GRM5: variants seen among roughly 807,000 people sequenced by gnomAD.
GRM5 encodes glutamate metabotropic receptor 5.
A neutral mutation model predicts 83.1 loss-of-function variants in GRM5; 19 were observed. That is an observed-to-expected ratio of 0.23 (90% CI 0.16 to 0.34). The LOEUF (loss-of-function observed/expected upper bound fraction) is 0.34. Ranked by LOEUF, GRM5 falls within the 10% of genes least tolerant of loss-of-function variation. The pLI, the probability that GRM5 is intolerant of heterozygous loss-of-function variation, is 1.00. For synonymous variants in GRM5, 675 were observed against 633.6 expected (o/e 1.07, Z -0.98); for missense variants, 1,160 against 1,588.3 (o/e 0.73, Z 4.58).
At chr11:89,009,703 T>C (rs936326232) in intron 2 of GRM5, among the ~76,000 whole-genome samples, 1 of 151,558 alleles carries the variant, frequency 6.6e-6, no homozygotes, top group Admixed American at 6.6e-5. Context: ...GAGACCATCC[T>C]GGCTAACACG....
At chr11:88,842,425 C>T (rs1944220270) in intron 3 of GRM5, among the ~76,000 whole-genome samples, 2 of 152,292 alleles carry the variant, frequency 1.3e-5, no homozygotes, top group South Asian at 2.1e-4. Context: ...GGTTCATTTA[C>T]TCACCATCTA....
At chr11:88,883,127 A>T (rs1230721523) in intron 2 of GRM5, among the ~76,000 whole-genome samples, 2 of 152,214 alleles carry the variant, frequency 1.3e-5, no homozygotes, top group African/African-American at 2.4e-5. Context: ...CTAATACAGT[A>T]AACTGGTACT....
intron 7 of GRM5, among the ~76,000 whole-genome samples, chr11:88,581,987 G>T (rs928183146): frequency 2.0e-5 from 3 of 151,880 alleles, no homozygotes; most frequent in African/African-American, 4.8e-5. Flanking sequence ...TCCAAGACCT[G>T]GTTAATTTCC....
intron 2 of GRM5, among the ~76,000 whole-genome samples, chr11:88,974,673 A>C (rs757022403): frequency 6.6e-6 from 1 of 152,080 alleles, no homozygotes; most frequent in Non-Finnish European, 1.5e-5. Context: ...ACATTCTATC[A>C]TGATTTTTTG....
At chr11:88,710,546 G>A (rs187098404) in intron 3 of GRM5, among the ~76,000 whole-genome samples, 3 of 152,206 alleles carry the variant, frequency 2.0e-5, no homozygotes, top group African/African-American at 7.2e-5. Context: ...CAGAATATGT[G>A]TTAGGAAAAT....
chr11:88,711,010 A>G (rs1317336272), intron 3 of GRM5, among the ~76,000 whole-genome samples: 3 of 152,052 alleles, frequency 2.0e-5, no homozygotes. Flanking sequence ...ATTTAGGGAA[A>G]TTTGAGGAAG....
chr11:88,521,161 T>C (rs1169694960), intron 9 of GRM5, among the ~76,000 whole-genome samples: 1 of 152,136 alleles, frequency 6.6e-6, no homozygotes, highest in African/African-American at 2.4e-5. Context: ...CTCACGCCTG[T>C]AATCCCAGCT....
intron 3 of GRM5, among the ~76,000 whole-genome samples, chr11:88,826,445 T>C (rs562558013): frequency 2.2e-4 from 33 of 151,326 alleles, no homozygotes; most frequent in African/African-American, 8.0e-4. Flanking sequence ...TACAAATAAT[T>C]ATATATATAA....
intron 2 of GRM5, among the ~76,000 whole-genome samples, chr11:88,889,513 G>A (rs1945103176): frequency 6.6e-6 from 1 of 152,140 alleles, no homozygotes; most frequent in Non-Finnish European, 1.5e-5. Context: ...TCACCTGTGA[G>A]GTTACTTTTT....
chr11:88,914,208 C>T (rs1208345010), intron 2 of GRM5, among the ~76,000 whole-genome samples: 3 of 152,124 alleles, frequency 2.0e-5, no homozygotes, highest in Non-Finnish European at 4.4e-5. Context: ...TCCACACTTC[C>T]AATCACCTTC....
intron 3 of GRM5, among the ~76,000 whole-genome samples, chr11:88,663,717 A>C (rs16914488): frequency 2.6e-5 from 4 of 152,142 alleles, no homozygotes; most frequent in Non-Finnish European, 5.9e-5. Flanking sequence ...TTCCTGTTAC[A>C]TGACTGTGCT....
intron 3 of GRM5, among the ~76,000 whole-genome samples, chr11:88,692,853 G>A (rs1203734984): frequency 6.6e-6 from 1 of 152,074 alleles, no homozygotes; most frequent in Non-Finnish European, 1.5e-5. Context: ...CCTCCATCCT[G>A]GAGGCCTGCA....
Position 88,612,841 on chromosome 11 carries a change from C to T in GRM5, c.1148-7877G>A, listed in dbSNP as rs551564518. Reference sequence around the variant, plus strand: ...ACGCTTCACAAATTTGCGTGTCATCCTTGCGCAGGGGCCATGCTAATCTTC... The same window carrying T: ...ACGCTTCACAAATTTGCGTGTCATCTTTGCGCAGGGGCCATGCTAATCTTC... On this transcript the variant is annotated intron_variant, in intron 4 of 9. Transcript: ENST00000305447. 2 of 152,392 alleles carry T rather than the reference C, an allele frequency of 1.3e-5. 1 individual carries two copies. The highest frequency in any genetic ancestry group is 4.1e-4 in the South Asian group (2 of 4,828). The allele number at this position is 152,392 out of a possible 1,614,324, so 9.4% of individuals were successfully genotyped here.
chr11:88,823,016 A>T (rs2135511397), intron 3 of GRM5, among the ~76,000 whole-genome samples: 1 of 151,760 alleles, frequency 6.6e-6, no homozygotes, highest in African/African-American at 2.4e-5. Context: ...TATTCAATTC[A>T]TTTTCTCTAT....
chr11:88,781,827 C>T (rs533260427), intron 3 of GRM5, among the ~76,000 whole-genome samples: 2 of 152,262 alleles, frequency 1.3e-5, no homozygotes, highest in African/African-American at 4.8e-5. Flanking sequence ...GACAAGCCAA[C>T]AAAGCTGAGA....
chr11:88,714,151 A>G (rs925497290), intron 3 of GRM5, among the ~76,000 whole-genome samples: 2 of 152,040 alleles, frequency 1.3e-5, no homozygotes, highest in African/African-American at 2.4e-5. Context: ...CCAGTGACAA[A>G]GTGGCATAGA....
chr11:88,793,902 T>A (rs1282774120), intron 3 of GRM5, among the ~76,000 whole-genome samples: 1 of 152,118 alleles, frequency 6.6e-6, no homozygotes, highest in East Asian at 1.9e-4. Context: ...CACAGCTCAG[T>A]GACACTTCAA....
At chr11:88,707,804 C>T (rs193219730) in intron 3 of GRM5, among the ~76,000 whole-genome samples, 13 of 152,164 alleles carry the variant, frequency 8.5e-5, no homozygotes, top group Middle Eastern at 3.4e-3. Context: ...AAATTCTTTG[C>T]GCCTTTAACT....
intron 8 of GRM5, among the ~76,000 whole-genome samples, chr11:88,545,195 ACTTT>A (rs1942360308): frequency 6.6e-6 from 1 of 151,928 alleles, no homozygotes; most frequent in Admixed American, 6.6e-5. Flanking sequence ...CAGTTCTTGG[ACTTT>A]CTTTATTTAT....
Sources: allele counts gnomAD v4.1 joint callset (sites outside exome capture counted in the v4.1 genomes callset), GRCh38; gene constraint gnomAD v4.1.1; transcripts MANE v1.5; gene names NCBI Gene and HGNC (gene_info 2026-07-23, HGNC 2026-07-21).